The following USP15 variants were observed in gnomAD, a reference collection of about 807,000 sequenced individuals.
USP15 encodes ubiquitin specific peptidase 15.
Under a neutral mutation model 127.1 loss-of-function variants are expected in USP15, and 18 were observed. The ratio of observed to expected loss-of-function variants is 0.14; its 90% CI spans 0.10 to 0.21. USP15 has a LOEUF of 0.21. Among genes scored for constraint, USP15 ranks in the 10% least tolerant of loss-of-function variants. The pLI, the probability that USP15 is intolerant of heterozygous loss-of-function variation, is 1.00. For missense variants in USP15, 805 were observed against 1,159.9 expected (o/e 0.69, Z 4.44); for synonymous variants, 364 against 393.7 (o/e 0.92, Z 0.89).
intron 8 of USP15, among the ~76,000 whole-genome samples, chr12:62,361,329 C>T (rs1398957338): frequency 6.6e-6 from 1 of 152,012 alleles, no homozygotes; most frequent in Non-Finnish European, 1.5e-5. Context: ...AAGCAAAATT[C>T]CCTAAGATTA....
intron 6 of USP15, among the ~76,000 whole-genome samples, chr12:62,341,479 G>T: frequency 6.6e-6 from 1 of 152,190 alleles, no homozygotes; most frequent in Admixed American, 6.5e-5. Flanking sequence ...AGTGTCATTG[G>T]TCATTATATT....
chr12:62,385,062 G>C (rs781490459), intron 11 of USP15, among the ~76,000 whole-genome samples: 1 of 151,622 alleles, frequency 6.6e-6, no homozygotes, highest in Non-Finnish European at 1.5e-5. Context: ...AACTAATTTT[G>C]TTATAACTTT....
chr12:62,342,578 G>T (rs1011899604), intron 6 of USP15, among the ~76,000 whole-genome samples: 55 of 152,200 alleles, frequency 3.6e-4, no homozygotes, highest in African/African-American at 1.3e-3. Context: ...ATGACCTTTG[G>T]ATGGGGTTTT....
intron 6 of USP15, among the ~76,000 whole-genome samples, chr12:62,338,738 A>G (rs1324458828): frequency 1.3e-5 from 2 of 152,032 alleles, no homozygotes; most frequent in African/African-American, 2.4e-5. Flanking sequence ...TCATTTCCCT[A>G]TTGCTTGTAT....
rs1482246907 is a variant in USP15 at position 62,409,086 on chromosome 12, A to G, written c.*4711A>G. On this transcript the variant is annotated 3_prime_UTR_variant, in exon 22 of 22. Transcript: ENST00000280377. ...TTTTTCTTCACTAATGATGGGGTAA[A>G]GAATTTTTAAATGGATAATATAAAA... 1 of 152,188 alleles carries G rather than the reference A, an allele frequency of 6.6e-6. No individual in the cohort carries two copies. The highest frequency in any genetic ancestry group is 1.5e-5 in the Non-Finnish European group (1 of 68,016). The allele number at this position is 152,188 out of a possible 1,614,324, so 9.4% of individuals were successfully genotyped here. A position where few individuals can be genotyped will look rare whatever the true frequency, so the allele number is the denominator to read the frequency against.
intron 6 of USP15, among the ~76,000 whole-genome samples, chr12:62,341,944 GGTTCTCCTGAACTAGGTTGAGGAA>G (rs2065661028): frequency 6.6e-6 from 1 of 152,004 alleles, no homozygotes; most frequent in East Asian, 1.9e-4. Context: ...AGGTTGGGGA[GGTTCTCCTGAACTAGGTTGAGGAA>G]GTTCTCCTGA....
Position 62,314,166 on chromosome 12 carries a change from TCAAA to T in USP15, c.349-619_349-616del, listed in dbSNP as rs564334865. 9.8e-5 allele frequency: 28 copies of T among 286,224 alleles called. No individual in the cohort carries two copies. The South Asian group carries it at 2.3e-3, about 23-fold the overall frequency. The allele number at this position is 286,224 out of a possible 1,614,324, so 17.7% of individuals were successfully genotyped here. On this transcript the variant is annotated intron_variant, in intron 3 of 21. Coordinates refer to ENST00000280377, the MANE Select transcript of USP15 (RefSeq NM_001252078.2). Reference sequence around the variant, plus strand: ...GAATTACTAAGTGTGTAGTTAAAGGTCAAACAAAGTAAGTCACTGTAGGGTGAAA... The same window carrying T: ...GAATTACTAAGTGTGTAGTTAAAGGTCAAAGTAAGTCACTGTAGGGTGAAA...
In USP15 at chr12:62,407,152, C is replaced by G. The variant is rs2067895088; in HGVS notation, c.*2777C>G. On this transcript the variant is annotated 3_prime_UTR_variant, in exon 22 of 22. Transcript: ENST00000280377. ...TTGAGCACTTACTATGGACCAGGCACTATATTAAAGTGTTTATATGCATTC... is the reference window on the plus strand; with the variant it reads ...TTGAGCACTTACTATGGACCAGGCAGTATATTAAAGTGTTTATATGCATTC... The G allele has an allele frequency of 6.6e-6, 1 of 152,176 alleles. No homozygotes were observed. Among genetic ancestry groups the G allele is most frequent in the Non-Finnish European group, 1.5e-5 (1 of 68,032 alleles). 9.4% of individuals were successfully genotyped at this position (152,176 alleles called of 1,614,324 possible).
At chr12:62,381,035 C>G (rs1157727023) in intron 8 of USP15, among the ~76,000 whole-genome samples, 1 of 152,000 alleles carries the variant, frequency 6.6e-6, no homozygotes, top group Non-Finnish European at 1.5e-5. Context: ...GCTGCTCTTT[C>G]ATGATAAATA....
intron 6 of USP15, 146 bp downstream of exon 6, chr12:62,326,079 C>A: frequency 1.6e-6 from 1 of 631,750 alleles, no homozygotes; most frequent in Non-Finnish European, 2.6e-6. Context: ...TCTTAGTATA[C>A]AAGCTATCTA....
Position 62,412,035 on chromosome 12 carries a change from T to C in USP15, c.*7660T>C, listed in dbSNP as rs2068051561. ...TAGCAGATATATTTAGTAACAACTG[T>C]GGGTACAGGCATGCCTCAGATATTG... On this transcript the variant is annotated 3_prime_UTR_variant, in exon 22 of 22. Coordinates refer to ENST00000280377, the MANE Select transcript of USP15 (RefSeq NM_001252078.2). The C allele has an allele frequency of 6.6e-6, 1 of 152,148 alleles. No homozygotes were observed. Among genetic ancestry groups the C allele is most frequent in the Admixed American group, 6.5e-5 (1 of 15,270 alleles). The allele number at this position is 152,148 out of a possible 1,614,324, so 9.4% of individuals were successfully genotyped here.
intron 8 of USP15, chr12:62,374,342 A>G (rs1049591167): frequency 9.2e-6 from 9 of 978,626 alleles, no homozygotes; most frequent in South Asian, 9.5e-5. Context: ...ACACAACTCA[A>G]AAGCTTTAGG....
At chr12:62,280,691 C>T (rs1011627558) in intron 1 of USP15, among the ~76,000 whole-genome samples, 1 of 152,084 alleles carries the variant, frequency 6.6e-6, no homozygotes, top group African/African-American at 2.4e-5. Context: ...CACACGCATT[C>T]AGACCATAGC....
At chr12:62,374,725 A>G (rs138576224) in intron 8 of USP15, among the ~76,000 whole-genome samples, 1,584 of 152,206 alleles carry the variant, frequency 0.01, 23 homozygotes, top group Middle Eastern at 0.041. Flanking sequence ...TGCAGCAGTT[A>G]TATTTTTTCA....
intron 1 of USP15, among the ~76,000 whole-genome samples, chr12:62,273,946 T>C (rs7296326): frequency 0.087 from 13,197 of 152,206 alleles, 717 homozygotes; most frequent in Middle Eastern, 0.17. Flanking sequence ...GATAATGTTA[T>C]CATATCCTCT....
At position 62,404,363 on chromosome 12, in the gene USP15, G is replaced by A; in HGVS notation, c.2934G>A (p.Met978Ile). The change falls in exon 22 of 22, where the codon ATG (methionine) becomes ATA (isoleucine). Residue 978 changes from methionine to isoleucine, a missense_variant. Around this residue, in one of 11 missense-constraint regions of USP15, gnomAD observed 116 missense variants for 157.2 expected, o/e 0.74. Transcript: ENST00000280377. Reference protein sequence around the residue: ...NDNDIENENCMHTN With the variant: ...NDNDIENENCIHTN ...ATGATATAGAAAATGAAAACTGTAT[G>A]CACACTAACTAATGAAAGTCCTAGA... 1 of 1,601,592 alleles carries A rather than the reference G, an allele frequency of 6.2e-7. No homozygotes were observed. Among genetic ancestry groups the A allele is most frequent in the Non-Finnish European group, 8.5e-7 (1 of 1,173,326 alleles).
chr12:62,345,139 T>A (rs1358495137), intron 6 of USP15, among the ~76,000 whole-genome samples: 1 of 152,216 alleles, frequency 6.6e-6, no homozygotes, highest in Non-Finnish European at 1.5e-5. Context: ...CTGCAAATTC[T>A]CCAACCTTTT....
intron 9 of USP15, among the ~76,000 whole-genome samples, chr12:62,383,246 C>T (rs2137576228): frequency 6.6e-6 from 1 of 152,010 alleles, no homozygotes; most frequent in African/African-American, 2.4e-5. Flanking sequence ...TTTGATTCCT[C>T]CAAGCCTTTG....
chr12:62,356,459 T>C (rs895799423), intron 8 of USP15, among the ~76,000 whole-genome samples: 4 of 151,942 alleles, frequency 2.6e-5, no homozygotes, highest in African/African-American at 4.8e-5. Context: ...GTTTCCTAAA[T>C]TAACCATTGC....
Sources: allele counts gnomAD v4.1 joint callset (sites outside exome capture counted in the v4.1 genomes callset), GRCh38; gene constraint gnomAD v4.1.1; regional missense constraint gnomAD v4.1.1; transcripts MANE v1.5; gene names NCBI Gene and HGNC (gene_info 2026-07-23, HGNC 2026-07-21).